DPP10: variants seen among roughly 807,000 people sequenced by gnomAD.
DPP10 encodes the protein inactive dipeptidyl peptidase 10.
In DPP10, 33 loss-of-function variants were observed where a neutral mutation model predicts 120.9. The observed-to-expected ratio is 0.27, with a 90% CI of 0.21 to 0.37. The LOEUF (loss-of-function observed/expected upper bound fraction) is 0.37, where lower values mean the gene tolerates loss of function less well. DPP10 is among the 10% of genes least tolerant of loss of function. The probability of loss-of-function intolerance (pLI) is 1.00; values close to 1 mark genes in which losing one functional copy is unlikely to be tolerated. For missense variants in DPP10, 816 were observed against 942.8 expected (o/e 0.87, Z 1.76); for synonymous variants, 337 against 326.1 (o/e 1.03, Z -0.36).
intron 1 of DPP10, among the ~76,000 whole-genome samples, chr2:114,707,585 G>A (rs1437729687): frequency 6.6e-6 from 1 of 152,110 alleles, no homozygotes; most frequent in Non-Finnish European, 1.5e-5. Flanking sequence ...ATCACTTGGG[G>A]CTCAATAGCT....
rs1699057966 is a variant in DPP10, at chr2:114,966,710, C to T, written c.61-342529C>T. Among the ~76,000 whole-genome samples, 3 of 152,182 alleles carry T rather than the reference C, an allele frequency of 2.0e-5. No homozygotes were observed. The South Asian group carries it at 6.2e-4, about 31-fold the overall frequency. ...GATCTTGACCAGAGGAATTTCACCT[C>T]AAAGGTGGAGGCAAAATCATGATAA... On this transcript the variant is annotated intron_variant, in intron 1 of 25. Coordinates refer to ENST00000410059, the MANE Select transcript of DPP10 (RefSeq NM_020868.6).
chr2:114,652,687 C>T (rs986442139), intron 1 of DPP10, among the ~76,000 whole-genome samples: 2 of 152,144 alleles, frequency 1.3e-5, no homozygotes, highest in South Asian at 4.1e-4. Flanking sequence ...CTATAAATGC[C>T]AGATACATTT....
At chr2:114,756,777 C>A (rs1275207172) in intron 1 of DPP10, among the ~76,000 whole-genome samples, 1 of 151,692 alleles carries the variant, frequency 6.6e-6, no homozygotes, top group Admixed American at 6.6e-5. Flanking sequence ...CTCCCTTAAT[C>A]TCTACTTTTT....
In DPP10 at chr2:114,824,706, A is replaced by G. The variant is rs1686377399; in HGVS notation, c.60+381868A>G. On this transcript the variant is annotated intron_variant, in intron 1 of 25. Transcript: ENST00000410059. ...ATTAGGAAATTTTGTTATTGCTAGG[A>G]AGAATCTAAAAATAGCGTTAATTGA... 3.9e-5 allele frequency among the ~76,000 whole-genome samples: 6 copies of G among 152,218 alleles called. No homozygotes were observed. In the South Asian group the frequency reaches 1.2e-3, roughly 32 times the overall value.
intron 1 of DPP10, among the ~76,000 whole-genome samples, chr2:115,216,859 A>T (rs2056853847): frequency 1.3e-5 from 2 of 152,000 alleles, no homozygotes; most frequent in African/African-American, 2.4e-5. Context: ...ATATATGTGT[A>T]TTTGGACATA....
chr2:115,524,549 A>C (rs576358200), intron 4 of DPP10, among the ~76,000 whole-genome samples: 120 of 152,208 alleles, frequency 7.9e-4, no homozygotes, highest in African/African-American at 2.8e-3. Context: ...TTTCTAAGCA[A>C]GGTTTCATCA....
chr2:114,681,527 G>C (rs553871686), intron 1 of DPP10, among the ~76,000 whole-genome samples: 82 of 152,108 alleles, frequency 5.4e-4, no homozygotes, highest in African/African-American at 1.9e-3. Flanking sequence ...TCCCAGTTCA[G>C]AGATTCTCAT....
At chr2:114,699,268 T>C (rs1437814001) in intron 1 of DPP10, among the ~76,000 whole-genome samples, 1 of 152,004 alleles carries the variant, frequency 6.6e-6, no homozygotes, top group Non-Finnish European at 1.5e-5. Context: ...AATATACATA[T>C]GCATGCAATC....
At chr2:115,059,797 C>G (rs1706253310) in intron 1 of DPP10, among the ~76,000 whole-genome samples, 2 of 151,468 alleles carry the variant, frequency 1.3e-5, no homozygotes, top group African/African-American at 4.9e-5. Flanking sequence ...ACAAAGCAAG[C>G]TGCGGTTAGT....
chr2:114,636,810 T>C (rs1396164149), intron 1 of DPP10, among the ~76,000 whole-genome samples: 1 of 151,874 alleles, frequency 6.6e-6, no homozygotes, highest in African/African-American at 2.4e-5. Flanking sequence ...TAGATGGTTT[T>C]TGATATAAGA....
At chr2:114,653,341 G>A (rs1696744718) in intron 1 of DPP10, among the ~76,000 whole-genome samples, 1 of 152,074 alleles carries the variant, frequency 6.6e-6, no homozygotes, top group Non-Finnish European at 1.5e-5. Context: ...AAGAGGCAAG[G>A]GACGGAATTT....
intron 13 of DPP10, among the ~76,000 whole-genome samples, chr2:115,773,463 A>G (rs1018421231): frequency 1.3e-5 from 2 of 152,174 alleles, no homozygotes; most frequent in Non-Finnish European, 2.9e-5. Flanking sequence ...TTTAAGAATG[A>G]ATGAGCTCAC....
chr2:115,663,244 C>G (rs1012639093), intron 5 of DPP10, among the ~76,000 whole-genome samples: 1 of 151,850 alleles, frequency 6.6e-6, no homozygotes, highest in Non-Finnish European at 1.5e-5. Context: ...ATTCTTGAGC[C>G]AAGGATATAT....
At chr2:114,728,284 C>T (rs946249221) in intron 1 of DPP10, among the ~76,000 whole-genome samples, 1 of 152,156 alleles carries the variant, frequency 6.6e-6, no homozygotes, top group African/African-American at 2.4e-5. Flanking sequence ...TGCTCTAGGT[C>T]AAGATGCCCT....
At chr2:115,549,784 A>G (rs893725058) in intron 5 of DPP10, among the ~76,000 whole-genome samples, 21 of 152,140 alleles carry the variant, frequency 1.4e-4, no homozygotes, top group African/African-American at 4.6e-4. Context: ...TTAAAGCTCT[A>G]CAATGATATG....
intron 4 of DPP10, among the ~76,000 whole-genome samples, chr2:115,520,583 A>G (rs1187277410): frequency 6.6e-6 from 1 of 152,100 alleles, no homozygotes; most frequent in African/African-American, 2.4e-5. Context: ...CAAGGTCTAG[A>G]ACAATACACA....
intron 3 of DPP10, among the ~76,000 whole-genome samples, chr2:115,375,957 CA>C (rs1162195644): frequency 2.0e-5 from 3 of 152,172 alleles, no homozygotes; most frequent in African/African-American, 7.2e-5. Context: ...GACACAGAAC[CA>C]AACCATGTCA....
At chr2:114,673,445 A>C (rs1244377480) in intron 1 of DPP10, among the ~76,000 whole-genome samples, 2 of 150,532 alleles carry the variant, frequency 1.3e-5, no homozygotes, top group African/African-American at 4.9e-5. Flanking sequence ...TTCTTTTTTT[A>C]TTTTTTGTTT....
chr2:115,300,710 A>G (rs1419835166), intron 1 of DPP10, among the ~76,000 whole-genome samples: 1 of 151,970 alleles, frequency 6.6e-6, no homozygotes, highest in East Asian at 1.9e-4. Flanking sequence ...AAATACTCTC[A>G]GTTTTCTCAT....
Sources: gnomAD v4.1 joint callset for allele counts (sites outside exome capture counted in the v4.1 genomes callset) on GRCh38, gnomAD v4.1.1 for gene constraint, MANE v1.5 for transcripts, NCBI Gene and HGNC (gene_info 2026-07-23, HGNC 2026-07-21) for gene names.